Variants in NAALADL2 observed in about 807,000 individuals in gnomAD.
NAALADL2 encodes the protein N-acetylated alpha-linked acidic dipeptidase like 2.
A neutral mutation model predicts 87.2 loss-of-function variants in NAALADL2; 76 were observed. The observed-to-expected ratio is 0.87, with a 90% confidence interval of 0.72 to 1.05. The LOEUF (loss-of-function observed/expected upper bound fraction) is 1.05. NAALADL2 is among the 50% of genes least tolerant of loss of function. The pLI is 0.00. For missense variants in NAALADL2, 1,089 were observed against 945.8 expected (o/e 1.15, Z -1.99); for synonymous variants, 354 against 331.0 (o/e 1.07, Z -0.75).
rs576465155 is a variant in NAALADL2, at chr3:175,597,874, T to C, written c.1800+21687T>C. ...GTTTCTAGCATAATGCTCCATAAACTTCAGGCATGATTATCTCAAATAAAA... is the reference window on the plus strand; with the variant it reads ...GTTTCTAGCATAATGCTCCATAAACCTCAGGCATGATTATCTCAAATAAAA... On this transcript the variant is annotated intron_variant, in intron 10 of 13. Coordinates refer to ENST00000454872, the MANE Select transcript of NAALADL2 (RefSeq NM_207015.3). 2.2e-3 allele frequency among the ~76,000 whole-genome samples: 342 copies of C among 152,132 alleles called. 2 individuals carry two copies. Among genetic ancestry groups the C allele is most frequent in the Non-Finnish European group, 2.9e-3 (197 of 67,916 alleles).
intron 11 of NAALADL2, among the ~76,000 whole-genome samples, chr3:175,683,432 A>G (rs1182687668): frequency 1.3e-5 from 2 of 151,986 alleles, no homozygotes; most frequent in Non-Finnish European, 2.9e-5. Context: ...GCTTTATCAA[A>G]ACTAATTTCT....
At chr3:174,713,384 CT>C in intron 2 of NAALADL2, among the ~76,000 whole-genome samples, 1 of 152,186 alleles carries the variant, frequency 6.6e-6, no homozygotes, top group Non-Finnish European at 1.5e-5. Flanking sequence ...GCCACACTGA[CT>C]TCCACAACGG....
chr3:174,507,658 A>G (rs547359261), intron 1 of NAALADL2, among the ~76,000 whole-genome samples: 5 of 151,954 alleles, frequency 3.3e-5, no homozygotes, highest in African/African-American at 1.2e-4. Context: ...ACTACAGCAG[A>G]TAGTCTTTTA....
chr3:175,435,696 A>G (rs927658524), intron 5 of NAALADL2, among the ~76,000 whole-genome samples: 3 of 152,070 alleles, frequency 2.0e-5, no homozygotes, highest in East Asian at 1.9e-4. Flanking sequence ...TCTTGAGTTT[A>G]TATGTCTAAA....
chr3:174,472,249 C>G (rs1015751168), intron 1 of NAALADL2, among the ~76,000 whole-genome samples: 4 of 152,186 alleles, frequency 2.6e-5, no homozygotes, highest in Admixed American at 1.3e-4. Flanking sequence ...GTTTACTATA[C>G]CTTTTCCAGT....
intron 3 of NAALADL2, among the ~76,000 whole-genome samples, chr3:174,806,411 A>G (rs1270143014): frequency 6.6e-6 from 1 of 152,178 alleles, no homozygotes; most frequent in East Asian, 1.9e-4. Flanking sequence ...TGGGAGACCC[A>G]AGGCATCACC....
intron 1 of NAALADL2, among the ~76,000 whole-genome samples, chr3:174,493,693 T>A (rs1244840727): frequency 6.6e-6 from 1 of 152,166 alleles, no homozygotes; most frequent in African/African-American, 2.4e-5. Flanking sequence ...TTGAACCAAT[T>A]ACATATACAA....
intron 9 of NAALADL2, among the ~76,000 whole-genome samples, chr3:175,477,175 T>A (rs1449047998): frequency 6.6e-6 from 1 of 152,082 alleles, no homozygotes; most frequent in Admixed American, 6.6e-5. Context: ...AAATCCAGAA[T>A]CCTATAAATA....
Position 175,491,723 on chromosome 3 carries a change from A to C in NAALADL2, c.1653+19965A>C, listed in dbSNP as rs117513742. On this transcript the variant is annotated intron_variant, in intron 9 of 13. Transcript: ENST00000454872. ...AACTGGTAGGCCATGCCACCCTGCC[A>C]CGCTACACATGAGGATTACCTGAGA... Among the ~76,000 whole-genome samples the C allele has an allele frequency of 1.6e-3, 242 of 152,286 alleles. 3 individuals are homozygous for C. In the East Asian group the frequency reaches 0.045, roughly 28 times the overall value.
intron 1 of NAALADL2, among the ~76,000 whole-genome samples, chr3:174,923,816 C>T (rs35392433): frequency 0.37 from 56,048 of 151,458 alleles, 11,112 homozygotes; most frequent in African/African-American, 0.53. Context: ...TGAGGTTTTG[C>T]TGGTATGGCA....
intron 1 of NAALADL2, among the ~76,000 whole-genome samples, chr3:175,038,667 T>A (rs1420658194): frequency 6.6e-6 from 1 of 152,176 alleles, no homozygotes; most frequent in Non-Finnish European, 1.5e-5. Context: ...GAAGTATACA[T>A]CAGAGGCTCT....
chr3:175,298,925 T>C (rs1366921550), intron 4 of NAALADL2, among the ~76,000 whole-genome samples: 1 of 152,200 alleles, frequency 6.6e-6, no homozygotes, highest in Non-Finnish European at 1.5e-5. Flanking sequence ...GGCTATATAT[T>C]GGAACATTTT....
chr3:175,608,205 A>G (rs73047373), intron 10 of NAALADL2, among the ~76,000 whole-genome samples: 4,805 of 148,496 alleles, frequency 0.032, 263 homozygotes, highest in African/African-American at 0.11. Flanking sequence ...AATTTTGAAT[A>G]AATTAGCCCA....
chr3:175,092,534 T>A (rs991418606), intron 1 of NAALADL2, among the ~76,000 whole-genome samples: 1 of 100,510 alleles, frequency 9.9e-6, no homozygotes, highest in African/African-American at 3.4e-5. Flanking sequence ...AGAGATTATA[T>A]TTTACATATT....
intron 9 of NAALADL2, among the ~76,000 whole-genome samples, chr3:175,504,590 TC>T (rs1730027012): frequency 2.2e-5 from 3 of 133,462 alleles, no homozygotes; most frequent in Admixed American, 7.9e-5. Flanking sequence ...TCTCTCTCTC[TC>T]TCTCTCTCTC....
chr3:174,755,534 C>A (rs1365626962), intron 3 of NAALADL2, among the ~76,000 whole-genome samples: 1 of 152,148 alleles, frequency 6.6e-6, no homozygotes, highest in African/African-American at 2.4e-5. Flanking sequence ...TTTCGAGCCA[C>A]CTCTCCTTTG....
chr3:175,269,999 C>A (rs1752566636), intron 4 of NAALADL2, among the ~76,000 whole-genome samples: 1 of 152,012 alleles, frequency 6.6e-6, no homozygotes, highest in Admixed American at 6.6e-5. Context: ...GAGAATTTAT[C>A]ATACTATATT....
chr3:175,118,447 C>T (rs892482425), intron 2 of NAALADL2, among the ~76,000 whole-genome samples: 6 of 151,188 alleles, frequency 4.0e-5, no homozygotes, highest in Non-Finnish European at 5.9e-5. Flanking sequence ...ATAAAACTGG[C>T]CTTGGGAAAA....
At chr3:175,681,673 A>G (rs1735618043) in intron 11 of NAALADL2, among the ~76,000 whole-genome samples, 1 of 152,214 alleles carries the variant, frequency 6.6e-6, no homozygotes, top group Non-Finnish European at 1.5e-5. Flanking sequence ...ACACAAAACA[A>G]GGGTTAAACT....
Sources: gnomAD v4.1 joint callset for allele counts (sites outside exome capture counted in the v4.1 genomes callset) on GRCh38, gnomAD v4.1.1 for gene constraint, MANE v1.5 for transcripts, NCBI Gene and HGNC (gene_info 2026-07-23, HGNC 2026-07-21) for gene names.